The following FYB1 variants were observed in gnomAD, a reference collection of about 807,000 sequenced individuals.
FYB1 encodes FYN binding protein 1.
In FYB1, 41 loss-of-function variants were observed where a neutral mutation model predicts 94.1. The ratio of observed to expected loss-of-function variants is 0.44; its 90% CI spans 0.34 to 0.57. The LOEUF is 0.57. Among genes scored for constraint, FYB1 ranks in the 20% least tolerant of loss-of-function variants. FYB1 has a pLI of 0.02. For synonymous variants in FYB1, 367 were observed against 353.2 expected (o/e 1.04, Z -0.44); for missense variants, 1,050 against 976.8 (o/e 1.07, Z -1.00).
chr5:39,190,976 T>C (rs1747305795), intron 2 of FYB1, among the ~76,000 whole-genome samples: 1 of 152,154 alleles, frequency 6.6e-6, no homozygotes, highest in Admixed American at 6.5e-5. Flanking sequence ...CGAAGAGAAA[T>C]AGGAAGTACT....
chr5:39,270,369 G>A (rs889287185), intron 1 of FYB1, among the ~76,000 whole-genome samples: 3 of 152,116 alleles, frequency 2.0e-5, no homozygotes, highest in South Asian at 2.1e-4. Context: ...ATCAAAAAAA[G>A]GGAACTCTTG....
chr5:39,218,927 C>A (rs1363835341), intron 1 of FYB1, among the ~76,000 whole-genome samples: 1 of 152,174 alleles, frequency 6.6e-6, no homozygotes, highest in Non-Finnish European at 1.5e-5. Context: ...TCTGAGAAGG[C>A]ATAATTCATG....
chr5:39,134,749 A>T, intron 8 of FYB1, 106 bp downstream of exon 8: 1 of 1,182,854 alleles, frequency 8.5e-7, no homozygotes, highest in Non-Finnish European at 1.2e-6. Flanking sequence ...TCCACTCTGT[A>T]AAGTACTCCT....
At chr5:39,166,645 T>C (rs1170855513) in intron 2 of FYB1, among the ~76,000 whole-genome samples, 1 of 152,120 alleles carries the variant, frequency 6.6e-6, no homozygotes, top group African/African-American at 2.4e-5. Flanking sequence ...AAATTATGTC[T>C]TCTGCAGTAA....
rs184320201 is a variant in FYB1, at chr5:39,140,148, A to C, written c.1340-896T>G. On this transcript the variant is annotated intron_variant, in intron 4 of 18. Transcript: ENST00000512982. ...AAAATTAATACATTCGATTATATCA[A>C]AATTTATTTACATTCAATGAAGGAC... is the stretch of plus-strand genomic sequence containing the variant. 6 of 152,360 alleles carry C rather than the reference A, an allele frequency of 3.9e-5. No individual in the cohort carries two copies. In the East Asian group the frequency reaches 1.2e-3, roughly 29 times the overall value. 9.4% of individuals were successfully genotyped at this position (152,360 alleles called of 1,614,324 possible).
intron 1 of FYB1, among the ~76,000 whole-genome samples, chr5:39,238,028 T>A (rs574480213): frequency 6.6e-6 from 1 of 152,092 alleles, no homozygotes; most frequent in Admixed American, 6.6e-5. Flanking sequence ...AATACATCGG[T>A]GGATGTAATC....
intron 3 of FYB1, among the ~76,000 whole-genome samples, chr5:39,149,581 T>A (rs183078580): frequency 3.4e-4 from 51 of 152,134 alleles, no homozygotes; most frequent in African/African-American, 1.2e-3. Context: ...TGTAAAGGAG[T>A]TGTTTATATT....
intron 10 of FYB1, among the ~76,000 whole-genome samples, chr5:39,128,388 G>A (rs1740880144): frequency 6.6e-6 from 1 of 152,096 alleles, no homozygotes; most frequent in African/African-American, 2.4e-5. Flanking sequence ...TAGTTTCTAT[G>A]TGCAGGAATA....
Position 39,247,099 on chromosome 5 carries a change from T to C in FYB1, c.-28+27304A>G, listed in dbSNP as rs190150845. Among the ~76,000 whole-genome samples the C allele has an allele frequency of 6.7e-3, 950 of 141,986 alleles. 11 individuals are homozygous for C. The highest frequency in any genetic ancestry group is 0.022 in the African/African-American group (836 of 38,788). The allele number at this position is 141,986 out of a possible 152,430, so 93.1% of individuals were successfully genotyped here. On this transcript the variant is annotated intron_variant, in intron 1 of 1. Coordinates refer to the FYB1 transcript ENST00000510188. Reference sequence around the variant, plus strand: ...ATATATATATATATATATATATATATATATATATATATATATGACTATATA... The same window carrying C: ...ATATATATATATATATATATATATACATATATATATATATATGACTATATA...
chr5:39,253,129 T>A (rs1384769230), intron 1 of FYB1, among the ~76,000 whole-genome samples: 3 of 152,214 alleles, frequency 2.0e-5, no homozygotes, highest in African/African-American at 7.2e-5. Flanking sequence ...TTATCTAGTC[T>A]ATTAAGCTAA....
intron 2 of FYB1, among the ~76,000 whole-genome samples, chr5:39,179,261 C>G (rs1426418418): frequency 1.3e-4 from 20 of 152,142 alleles, no homozygotes; most frequent in Non-Finnish European, 2.6e-4. Context: ...GGATTCAAAC[C>G]CAGACAGCCT....
intron 1 of FYB1, among the ~76,000 whole-genome samples, chr5:39,243,105 A>T (rs1751295339): frequency 6.6e-6 from 1 of 151,992 alleles, no homozygotes; most frequent in African/African-American, 2.4e-5. Context: ...GTTCACTCTG[A>T]TGGTAGTTTC....
chr5:39,149,910 C>T (rs561415917), intron 3 of FYB1, among the ~76,000 whole-genome samples: 71 of 152,266 alleles, frequency 4.7e-4, no homozygotes, highest in African/African-American at 1.7e-3. Flanking sequence ...TCATCTTAAC[C>T]AGCCTTATGA....
rs903847224 is a variant in FYB1 at position 39,139,206 on chromosome 5, T to C, written c.1359+27A>G. 6 of 1,452,706 alleles carry C rather than the reference T, an allele frequency of 4.1e-6. No homozygotes were observed. The African/African-American group carries it at 8.5e-5, about 21-fold the overall frequency. The allele number at this position is 1,452,706 out of a possible 1,614,324, so 90.0% of individuals were successfully genotyped here. ...GTGAAATATTCTGATTATGTCAATA[T>C]AATATGAGAAGAGAAAAAAATCTGA... On this transcript the variant is annotated intron_variant, in intron 5 of 18. Transcript: ENST00000512982.
chr5:39,227,166 C>T (rs139333814), intron 1 of FYB1, among the ~76,000 whole-genome samples: 1 of 152,188 alleles, frequency 6.6e-6, no homozygotes, highest in African/African-American at 2.4e-5. Flanking sequence ...TTTGGAAAAG[C>T]ATAAAATGAT....
intron 2 of FYB1, among the ~76,000 whole-genome samples, chr5:39,155,474 A>G (rs1217658525): frequency 6.6e-6 from 1 of 152,218 alleles, no homozygotes; most frequent in African/African-American, 2.4e-5. Flanking sequence ...CAAGATATTT[A>G]TGTTAGAAAT....
At chr5:39,216,982 C>G (rs1749919984) in intron 1 of FYB1, among the ~76,000 whole-genome samples, 1 of 152,236 alleles carries the variant, frequency 6.6e-6, no homozygotes, top group Non-Finnish European at 1.5e-5. Flanking sequence ...AAGACAACCA[C>G]TGAGCTTTCC....
At chr5:39,207,879 A>T (rs1174149994) in intron 1 of FYB1, among the ~76,000 whole-genome samples, 3 of 152,186 alleles carry the variant, frequency 2.0e-5, no homozygotes, top group Non-Finnish European at 4.4e-5. Flanking sequence ...GAGGCCAGGG[A>T]TGCTGCACAT....
chr5:39,185,525 A>ATAT (rs1554034733), intron 2 of FYB1, among the ~76,000 whole-genome samples: 1 of 137,284 alleles, frequency 7.3e-6, no homozygotes, highest in Non-Finnish European at 1.5e-5. Context: ...CTAAAAAAAA[A>ATAT]ATATATATAT....
Sources: gnomAD v4.1 joint callset for allele counts (sites outside exome capture counted in the v4.1 genomes callset) on GRCh38, gnomAD v4.1.1 for gene constraint, MANE v1.5 for transcripts, NCBI Gene and HGNC (gene_info 2026-07-23, HGNC 2026-07-21) for gene names.